Variants in CPEB2 observed in about 807,000 individuals in gnomAD.
The protein encoded by CPEB2 is cytoplasmic polyadenylation element-binding protein 2.
A neutral mutation model predicts 93.6 loss-of-function variants in CPEB2; 56 were observed. That is an observed-to-expected ratio of 0.60 (90% CI 0.48 to 0.75). The LOEUF (loss-of-function observed/expected upper bound fraction) is 0.75, where lower values mean the gene tolerates loss of function less well. Ranked by LOEUF, CPEB2 falls within the 30% of genes least tolerant of loss-of-function variation. The pLI, the probability that CPEB2 is intolerant of heterozygous loss-of-function variation, is 0.00. For missense variants in CPEB2, 1,579 were observed against 1,395.1 expected, an observed-to-expected ratio of 1.13 and a Z score of -2.10; for synonymous variants, 764 against 586.3, an observed-to-expected ratio of 1.30 and a Z score of -4.38.
chr4:15,025,762 T>C (rs1169131555), intron 4 of CPEB2, among the ~76,000 whole-genome samples: 1 of 151,846 alleles, frequency 6.6e-6, no homozygotes, highest in African/African-American at 2.4e-5. Flanking sequence ...TCCAGGTGTG[T>C]ACTACAGTAA....
Position 15,018,936 on chromosome 4 carries a change from T to TTATATATATA in CPEB2, c.2125+1683_2125+1692dup, listed in dbSNP as rs56945294. On this transcript the variant is annotated intron_variant, in intron 4 of 11. Transcript: ENST00000538197. ...AAGCATTATAAGGCTAAGGGGAATT[T>TTATATATATA]TATATATATATATATATATATATAT... 9.6e-4 allele frequency among the ~76,000 whole-genome samples: 128 copies of TTATATATATA among 133,090 alleles called. 1 individual carries two copies. The highest frequency in any genetic ancestry group is 4.1e-3 in the Middle Eastern group (1 of 244). 87.3% of individuals were successfully genotyped at this position (133,090 alleles called of 152,430 possible). A position where few individuals can be genotyped will look rare whatever the true frequency, so the allele number is the denominator to read the frequency against.
rs1364218128 is a variant in CPEB2 at position 15,004,112 on chromosome 4, C to A, written c.1439C>A (p.Thr480Lys). 4.5e-6 allele frequency: 7 copies of A among 1,549,956 alleles called. No individual in the cohort carries two copies. The highest frequency in any genetic ancestry group is 3.4e-4 in the Middle Eastern group (2 of 5,806). ...GGCTGCACTGGGCTCAGCGTTCCGA[C>A]GAGCGGCGGCGGCGGCGGCGGCTTC... ...PHGCTGLSVPTSGGGGGGFGG... is the reference protein window; with the variant it reads ...PHGCTGLSVPKSGGGGGGFGG... Residue 480 changes from threonine to lysine, a missense_variant, in exon 1 of 12, where the codon ACG becomes AAG. This residue lies in a region of CPEB2 where 1,411 missense variants were observed against 1,056.0 expected (regional missense o/e 1.34). Transcript: ENST00000538197.
intron 10 of CPEB2, among the ~76,000 whole-genome samples, chr4:15,061,173 A>G (rs1259102505): frequency 6.6e-6 from 1 of 152,120 alleles, no homozygotes; most frequent in African/African-American, 2.4e-5. Flanking sequence ...TCCATGGGAG[A>G]GGTCCACACT....
chr4:15,052,332 G>A, intron 6 of CPEB2, 82 bp from the exon 7 acceptor site: 1 of 963,268 alleles, frequency 1.0e-6, no homozygotes, highest in Non-Finnish European at 1.4e-6. Flanking sequence ...TTAAGTCTTT[G>A]AATTTGTCAT....
At chr4:15,054,246 A>G in intron 8 of CPEB2, 29 bp downstream of exon 8, 1 of 1,532,378 alleles carries the variant, frequency 6.5e-7, no homozygotes, top group Non-Finnish European at 9.0e-7. Context: ...AATATTTGCT[A>G]GGAAATTGGT....
rs774370347 is a variant in CPEB2, at chr4:15,027,032, CAACTT to C, written c.2126-6128_2126-6124del. Among the ~76,000 whole-genome samples the C allele has an allele frequency of 1.6e-4, 25 of 152,262 alleles. 1 individual carries two copies. Among genetic ancestry groups the C allele is most frequent in the Non-Finnish European group, 2.9e-4 (20 of 68,004 alleles). On this transcript the variant is annotated intron_variant, in intron 4 of 11. Transcript: ENST00000538197. The stretch of plus-strand genomic sequence containing the variant: ...GTGAAAAGTTTTGCAACCATTAACT[CAACTT>C]GACTTTAATATTAGTTGAATATATC...
chr4:15,040,311 T>C (rs1314705853), intron 5 of CPEB2, among the ~76,000 whole-genome samples, 153 bp from the exon 6 acceptor site: 9 of 152,142 alleles, frequency 5.9e-5, no homozygotes, highest in Admixed American at 5.9e-4. Flanking sequence ...TGGTAAAACA[T>C]TTAAATCTTA....
chr4:15,027,699 T>A (rs1162940718), intron 4 of CPEB2, among the ~76,000 whole-genome samples: 1 of 152,172 alleles, frequency 6.6e-6, no homozygotes, highest in East Asian at 1.9e-4. Context: ...AATTAAGAAG[T>A]ATTAGATATC....
chr4:15,048,943 T>C (rs1727971602), intron 6 of CPEB2, among the ~76,000 whole-genome samples: 1 of 152,072 alleles, frequency 6.6e-6, no homozygotes, highest in Non-Finnish European at 1.5e-5. Flanking sequence ...AAGGTCAGAC[T>C]TTGTCAATGA....
chr4:15,023,749 C>CTT (rs533493900), intron 4 of CPEB2, among the ~76,000 whole-genome samples: 2 of 145,734 alleles, frequency 1.4e-5, no homozygotes. Context: ...CCACTATGAG[C>CTT]TTTTTTTTTT....
chr4:15,035,919 T>G (rs1284188350), intron 5 of CPEB2, among the ~76,000 whole-genome samples: 1 of 152,224 alleles, frequency 6.6e-6, no homozygotes, highest in Non-Finnish European at 1.5e-5. Context: ...AGGCTTGAGT[T>G]TCTTTAATAA....
At chr4:15,005,678 A>G (rs1176131162) in intron 1 of CPEB2, among the ~76,000 whole-genome samples, 1 of 152,202 alleles carries the variant, frequency 6.6e-6, no homozygotes, top group East Asian at 1.9e-4. Context: ...TAAAGTGAAT[A>G]TTATCTAAAT....
chr4:15,048,847 A>G (rs920112924), intron 6 of CPEB2, among the ~76,000 whole-genome samples: 5 of 152,082 alleles, frequency 3.3e-5, no homozygotes, highest in Non-Finnish European at 5.9e-5. Context: ...AAAGTATACT[A>G]CAGTGGTAGA....
At position 15,017,478 on chromosome 4, in the gene CPEB2, T is replaced by G. The variant is rs376199403; in HGVS notation, c.2125+200T>G. 54 of 386,064 alleles carry G rather than the reference T, an allele frequency of 1.4e-4. 1 individual carries two copies. The highest frequency in any genetic ancestry group is 1.2e-3 in the East Asian group (30 of 24,464). The allele number at this position is 386,064 out of a possible 1,614,324, so 23.9% of individuals were successfully genotyped here. A position where few individuals can be genotyped will look rare whatever the true frequency, so the allele number is the denominator to read the frequency against. Reference sequence around the variant, plus strand: ...TTAATGTGAACTCACCTCCCTTGACTTACAATTTAAGGAAAATTTACTATT... The same window carrying G: ...TTAATGTGAACTCACCTCCCTTGACGTACAATTTAAGGAAAATTTACTATT... On this transcript the variant is annotated intron_variant, in intron 4 of 11. Coordinates refer to ENST00000538197, the MANE Select transcript of CPEB2 (RefSeq NM_001177382.2).
intron 5 of CPEB2, among the ~76,000 whole-genome samples, chr4:15,037,753 C>T (rs1266862772): frequency 2.6e-5 from 4 of 152,176 alleles, no homozygotes; most frequent in African/African-American, 9.7e-5. Flanking sequence ...AATAGCTCCT[C>T]ATGTTGTTTT....
chr4:15,024,576 T>G (rs1725216371), intron 4 of CPEB2, among the ~76,000 whole-genome samples: 1 of 152,086 alleles, frequency 6.6e-6, no homozygotes, highest in South Asian at 2.1e-4. Flanking sequence ...CCTGTGGTTC[T>G]GCAGTTTCAT....
At chr4:15,026,432 T>C (rs1725487759) in intron 4 of CPEB2, among the ~76,000 whole-genome samples, 2 of 152,146 alleles carry the variant, frequency 1.3e-5, no homozygotes, top group Non-Finnish European at 2.9e-5. Flanking sequence ...TTCACCATGT[T>C]AGCCAGGATG....
At chr4:15,054,633 G>A (rs1188638689) in intron 8 of CPEB2, among the ~76,000 whole-genome samples, 1 of 151,856 alleles carries the variant, frequency 6.6e-6, no homozygotes, top group African/African-American at 2.4e-5. Flanking sequence ...ATATAAAGAT[G>A]TAAAACTTGA....
Position 15,003,006 on chromosome 4 carries a change from G to A in CPEB2, c.333G>A (p.Gly111=). ...AGCAGCCGGCGCGGCCGCTTTCGGG[G>A]GCGGCGGCCACGGAGAAACTCCCCG... The part of the protein sequence containing the change: ...LTQQPARPLS[G]AAATEKLPDH... The change falls in exon 1 of 12, where the codon GGG becomes GGA. Residue 111 remains glycine (G), a synonymous_variant. Transcript: ENST00000538197. 13 of 1,496,192 alleles carry A rather than the reference G, an allele frequency of 8.7e-6. No individual in the cohort carries two copies. Among genetic ancestry groups the A allele is most frequent in the Non-Finnish European group, 1.1e-5 (13 of 1,134,200 alleles). The allele number at this position is 1,496,192 out of a possible 1,614,324, so 92.7% of individuals were successfully genotyped here.
Sources: gnomAD v4.1 joint callset for allele counts (sites outside exome capture counted in the v4.1 genomes callset) on GRCh38, gnomAD v4.1.1 for gene constraint, gnomAD v4.1.1 regional missense constraint, MANE v1.5 for transcripts, NCBI Gene and HGNC (gene_info 2026-07-23, HGNC 2026-07-21) for gene names.